The following MBNL2 variants were observed in gnomAD, a reference collection of about 807,000 sequenced individuals.
The protein encoded by MBNL2 is muscleblind like splicing regulator 2.
In MBNL2, 17 loss-of-function variants were observed where a neutral mutation model predicts 41.9. The ratio of observed to expected loss-of-function variants is 0.41; its 90% CI spans 0.28 to 0.61. The LOEUF (loss-of-function observed/expected upper bound fraction) is 0.61. MBNL2 is among the 20% of genes least tolerant of loss of function. MBNL2 has a pLI of 0.35. For missense variants in MBNL2, 336 were observed against 505.6 expected, an observed-to-expected ratio of 0.66 and a Z score of 3.22; for synonymous variants, 195 against 182.9, an observed-to-expected ratio of 1.07 and a Z score of -0.53.
intron 2 of MBNL2, among the ~76,000 whole-genome samples, chr13:97,284,335 TTGGTAGCGCTG>T (rs944221646): frequency 1.3e-5 from 2 of 152,168 alleles, no homozygotes; most frequent in Non-Finnish European, 2.9e-5. Flanking sequence ...CTTTCGGCTT[TTGGTAGCGCTG>T]TGTGTTCCTT....
chr13:97,389,583 G>A (rs975251596), intron 8 of MBNL2, among the ~76,000 whole-genome samples: 3 of 152,036 alleles, frequency 2.0e-5, no homozygotes, highest in African/African-American at 7.2e-5. Flanking sequence ...GTGCGTGGTT[G>A]TAGTCCCAGC....
chr13:97,295,065 G>A (rs1279826601), intron 2 of MBNL2, among the ~76,000 whole-genome samples: 2 of 152,172 alleles, frequency 1.3e-5, no homozygotes, highest in Non-Finnish European at 2.9e-5. Flanking sequence ...TGAATGAACT[G>A]GATGTGTTCA....
chr13:97,303,951 A>C, intron 2 of MBNL2, among the ~76,000 whole-genome samples: 1 of 152,014 alleles, frequency 6.6e-6, no homozygotes, highest in East Asian at 1.9e-4. Context: ...ATATACACCG[A>C]CTCTTTTGGT....
chr13:97,352,898 T>A (rs7333720), intron 5 of MBNL2, among the ~76,000 whole-genome samples: 21,774 of 152,174 alleles, frequency 0.14, 2,411 homozygotes, highest in African/African-American at 0.31. Context: ...CAATATATAC[T>A]TCAGTCATTA....
intron 1 of MBNL2, among the ~76,000 whole-genome samples, chr13:97,227,866 G>A (rs903207045): frequency 6.6e-6 from 1 of 152,138 alleles, no homozygotes; most frequent in African/African-American, 2.4e-5. Context: ...TGACTGCTAG[G>A]CATTCAAGCA....
At chr13:97,388,780 T>C (rs962826620) in intron 8 of MBNL2, among the ~76,000 whole-genome samples, 1 of 152,152 alleles carries the variant, frequency 6.6e-6, no homozygotes, top group African/African-American at 2.4e-5. Flanking sequence ...ATACAGACTG[T>C]ATCAGCAAGC....
Position 97,357,619 on chromosome 13 carries a change from C to T in MBNL2, c.996C>T (p.Ala332=), listed in dbSNP as rs764598689. Residue 332 remains alanine (A), a synonymous_variant, in exon 7 of 9, where the codon GCC becomes GCT. Coordinates refer to ENST00000679496, the MANE Select transcript of MBNL2 (RefSeq NM_001382683.1). ...ALTSAQLQQH[A]AFIPTGSVLC... is the part of the protein sequence containing the mutation. ...CCAGCGCACAGTTGCAGCAACACGCCGCGTTCATTCCAACAGGTATGTGCC... is the reference window on the plus strand; with the variant it reads ...CCAGCGCACAGTTGCAGCAACACGCTGCGTTCATTCCAACAGGTATGTGCC... 9 of 1,614,010 alleles carry T rather than the reference C, an allele frequency of 5.6e-6. No individual in the cohort carries two copies. The highest frequency in any genetic ancestry group is 2.2e-5 in the East Asian group (1 of 44,882).
intron 2 of MBNL2, among the ~76,000 whole-genome samples, chr13:97,312,051 A>G (rs1277323138): frequency 1.3e-5 from 2 of 152,248 alleles, no homozygotes; most frequent in Non-Finnish European, 2.9e-5. Context: ...CAAACATTGT[A>G]AAGTTTTAAA....
chr13:97,174,214 G>A, the MBNL2 span, among the ~76,000 whole-genome samples: 3 of 152,082 alleles, frequency 2.0e-5, no homozygotes. Context: ...TGGGCAGCTG[G>A]GCATGAGATA....
chr13:97,186,240 G>T, the MBNL2 span, among the ~76,000 whole-genome samples: 4 of 152,156 alleles, frequency 2.6e-5, no homozygotes, highest in African/African-American at 9.7e-5. Context: ...TGCTACCGTA[G>T]ATGCTTAAGT....
the MBNL2 span, among the ~76,000 whole-genome samples, chr13:97,205,223 T>TAA: frequency 5.7e-5 from 8 of 140,212 alleles, no homozygotes; most frequent in African/African-American, 2.0e-4. Flanking sequence ...ATATTTATAT[T>TAA]AAAAATATAT....
At chr13:97,339,199 T>C (rs1485236388) in intron 3 of MBNL2, among the ~76,000 whole-genome samples, 11 of 1,274 alleles carry the variant, frequency 8.6e-3, no homozygotes, top group African/African-American at 0.022. Flanking sequence ...TATGAGTGTG[T>C]TGTGTGTGTG....
chr13:97,263,772 C>A (rs1402408167), intron 1 of MBNL2, among the ~76,000 whole-genome samples: 1 of 151,978 alleles, frequency 6.6e-6, no homozygotes, highest in East Asian at 1.9e-4. Context: ...TGTGCACTAC[C>A]ACACCCAGTT....
intron 2 of MBNL2, among the ~76,000 whole-genome samples, chr13:97,333,985 A>T (rs1594225498): frequency 1.0e-5 from 1 of 95,608 alleles, no homozygotes; most frequent in East Asian, 3.2e-4. Flanking sequence ...GGAGGGAGGG[A>T]GGGAAAGAAA....
chr13:97,345,661 G>A (rs931476154), intron 4 of MBNL2, among the ~76,000 whole-genome samples: 2 of 151,690 alleles, frequency 1.3e-5, no homozygotes, highest in African/African-American at 4.9e-5. Context: ...GAAAATTTTG[G>A]TGTCTTAGAT....
chr13:97,154,343 C>T, the MBNL2 span, among the ~76,000 whole-genome samples: 2 of 152,088 alleles, frequency 1.3e-5, no homozygotes, highest in African/African-American at 4.8e-5. Context: ...GAGACAGAGT[C>T]TTGCTCTTTT....
the MBNL2 span, among the ~76,000 whole-genome samples, chr13:97,192,092 G>T: frequency 6.6e-6 from 1 of 152,112 alleles, no homozygotes; most frequent in East Asian, 1.9e-4. Flanking sequence ...GTGGCAGCTT[G>T]GTTGGCCTTT....
chr13:97,144,000 T>C, the MBNL2 span, among the ~76,000 whole-genome samples: 1 of 151,618 alleles, frequency 6.6e-6, no homozygotes, highest in Non-Finnish European at 1.5e-5. Context: ...CCCGCCACCA[T>C]GCCTGGCTAA....
At chr13:97,286,054 T>TATCCA (rs975470469) in intron 2 of MBNL2, among the ~76,000 whole-genome samples, 1 of 152,230 alleles carries the variant, frequency 6.6e-6, no homozygotes, top group African/African-American at 2.4e-5. Context: ...CACATGTCTT[T>TATCCA]ATCCAATCCA....
Sources: allele counts gnomAD v4.1 joint callset (sites outside exome capture counted in the v4.1 genomes callset), GRCh38; gene constraint gnomAD v4.1.1; transcripts MANE v1.5; gene names NCBI Gene and HGNC (gene_info 2026-07-23, HGNC 2026-07-21).